ZBBX: variants seen among roughly 807,000 people sequenced by gnomAD.
ZBBX encodes the protein zinc finger B-box domain containing, also known as zinc finger B-box domain-containing protein 1.
ZBBX carries 101 observed loss-of-function variants against 108.5 expected under a neutral mutation model. The observed-to-expected ratio is 0.93, with a 90% CI of 0.79 to 1.10. The LOEUF (loss-of-function observed/expected upper bound fraction) is 1.10, where lower values mean the gene tolerates loss of function less well. ZBBX is among the 50% of genes least tolerant of loss of function. The pLI, the probability that ZBBX is intolerant of heterozygous loss-of-function variation, is 0.00. For missense variants in ZBBX, 1,009 were observed against 941.4 expected, an observed-to-expected ratio of 1.07 and a Z score of -0.94; for synonymous variants, 356 against 323.4, an observed-to-expected ratio of 1.10 and a Z score of -1.08.
At chr3:167,367,542 A>G (rs986044807) in intron 5 of ZBBX, among the ~76,000 whole-genome samples, 2 of 151,522 alleles carry the variant, frequency 1.3e-5, no homozygotes, top group Admixed American at 6.6e-5. Context: ...TAAGTAAAAT[A>G]GTAGGACATG....
intron 6 of ZBBX, among the ~76,000 whole-genome samples, chr3:167,362,972 T>G (rs1440965958): frequency 2.6e-5 from 4 of 151,850 alleles, no homozygotes; most frequent in Non-Finnish European, 5.9e-5. Context: ...TCACCTGACA[T>G]CCTGGTTTGA....
At chr3:167,381,618 T>C (rs1577139430), upstream of ZBBX, among the ~76,000 whole-genome samples, 1 of 152,306 alleles carries the variant, frequency 6.6e-6, no homozygotes, top group Middle Eastern at 3.4e-3. Context: ...CTGGTTTTCT[T>C]GCACAGACTA....
intron 16 of ZBBX, among the ~76,000 whole-genome samples, chr3:167,312,954 A>G (rs910706690): frequency 1.3e-5 from 2 of 152,180 alleles, no homozygotes; most frequent in Admixed American, 6.5e-5. Context: ...CACATACGAT[A>G]TATTTATTAA....
At chr3:167,196,449 T>C in the ZBBX span, among the ~76,000 whole-genome samples, 3 of 152,122 alleles carry the variant, frequency 2.0e-5, no homozygotes, top group East Asian at 1.9e-4. Context: ...TAGACATGAG[T>C]CCATCCCGGC....
At chr3:167,338,596 G>A (rs947234703) in intron 9 of ZBBX, among the ~76,000 whole-genome samples, 1 of 151,808 alleles carries the variant, frequency 6.6e-6, no homozygotes, top group African/African-American at 2.4e-5. Flanking sequence ...CAAGTTTGAG[G>A]GGGAAAGGAA....
At chr3:167,269,617 G>T (rs116675809) in intron 20 of ZBBX, among the ~76,000 whole-genome samples, 2,121 of 152,260 alleles carry the variant, frequency 0.014, 26 homozygotes, top group South Asian at 0.026. Context: ...CCTTCAGAAG[G>T]ACAGATAGGG....
Position 167,403,464 on chromosome 3 carries a change from G to T in ZBBX, c.-446+4262C>A, listed in dbSNP as rs1560218076. Among the ~76,000 whole-genome samples the T allele has an allele frequency of 2.0e-5, 3 of 152,162 alleles. No individual in the cohort carries two copies. In the South Asian group the frequency reaches 6.2e-4, roughly 32 times the overall value. On this transcript the variant is annotated intron_variant, in intron 1 of 21. Transcript: ENST00000455345. ...TTCAATCTGAAGAGAAATGATACCA[G>T]TAGGAAATTCAGATCTGCAAAAATA...
intron 20 of ZBBX, 30 bp from the exon 21 acceptor site, chr3:167,242,673 A>G (rs896693235): frequency 1.3e-6 from 2 of 1,597,230 alleles, no homozygotes; most frequent in Non-Finnish European, 1.7e-6. Flanking sequence ...GCATTGTCAA[A>G]ACATAAATTC....
intron 1 of ZBBX, 21 bp from the exon 2 acceptor site, chr3:167,379,813 T>C (rs553872350): frequency 1.1e-4 from 16 of 152,250 alleles, no homozygotes; most frequent in Admixed American, 3.9e-4. Context: ...GGATGAAATA[T>C]GGTTTCTCAG....
Position 167,400,065 on chromosome 3 carries a change from G to A in ZBBX, c.-446+7661C>T, listed in dbSNP as rs371307941. Among the ~76,000 whole-genome samples the A allele has an allele frequency of 1.2e-4, 19 of 152,126 alleles. 1 individual carries two copies. Among genetic ancestry groups the A allele is most frequent in the South Asian group, 6.2e-4 (3 of 4,828 alleles). On this transcript the variant is annotated intron_variant, in intron 1 of 21. Transcript: ENST00000455345. ...ATTCTTTATGGCCGCATAGTATTCCGTAGTGTATATGTACTACATTTTCTT... is the reference window on the plus strand; with the variant it reads ...ATTCTTTATGGCCGCATAGTATTCCATAGTGTATATGTACTACATTTTCTT...
At chr3:167,217,589 C>T in the ZBBX span, among the ~76,000 whole-genome samples, 1 of 152,140 alleles carries the variant, frequency 6.6e-6, no homozygotes, top group Non-Finnish European at 1.5e-5. Flanking sequence ...AACTACCATT[C>T]AACCCAGCAA....
In ZBBX at chr3:167,282,395, A is replaced by G; in HGVS notation, c.2097T>C (p.Ser699=). The change falls in exon 20 of 22, where the codon AGT becomes AGC. Residue 699 remains serine, a synonymous_variant. Transcript: ENST00000675490. ...CTCTAGATGATGATTGAGCAGCTGC[A>G]CTTCTTGATCGAGGATGAGAGGATG... is the stretch of plus-strand genomic sequence containing the variant. ...CLSSSHPRSR[S]AAAQSSSRAA... 1 of 1,614,144 alleles carries G rather than the reference A, an allele frequency of 6.2e-7. No individual in the cohort carries two copies. The highest frequency in any genetic ancestry group is 1.1e-5 in the South Asian group (1 of 91,080).
intron 1 of ZBBX, chr3:167,392,675 A>T (rs1406442828): frequency 6.6e-6 from 1 of 151,856 alleles, no homozygotes; most frequent in Non-Finnish European, 1.5e-5. Context: ...TGGTCTGTAG[A>T]TGAGATGCCA....
chr3:167,198,630 G>A, the ZBBX span, among the ~76,000 whole-genome samples: 1 of 152,072 alleles, frequency 6.6e-6, no homozygotes, highest in African/African-American at 2.4e-5. Flanking sequence ...CAAATTTCCA[G>A]TCAAATAAAA....
In ZBBX at chr3:167,264,355, A is replaced by G. The variant is rs114968590; in HGVS notation, c.2254+17883T>C. On this transcript the variant is annotated intron_variant, in intron 20 of 21. Coordinates refer to ENST00000675490, the MANE Select transcript of ZBBX (RefSeq NM_001199201.2). ...TGGTATGCTTTAATTTACGCTTTTTATTTTTTTATATCTTTTGTATGTTTT... is the reference window on the plus strand; with the variant it reads ...TGGTATGCTTTAATTTACGCTTTTTGTTTTTTTATATCTTTTGTATGTTTT... Among the ~76,000 whole-genome samples the G allele has an allele frequency of 9.0e-3, 1,360 of 151,764 alleles. 28 individuals carry two copies. The highest frequency in any genetic ancestry group is 0.031 in the African/African-American group (1,283 of 41,386).
intron 16 of ZBBX, among the ~76,000 whole-genome samples, chr3:167,312,341 T>C (rs1220591119): frequency 1.3e-5 from 2 of 152,148 alleles, no homozygotes; most frequent in Non-Finnish European, 2.9e-5. Flanking sequence ...TTCTGTATGA[T>C]ACTATAAGTG....
In ZBBX at chr3:167,343,617, T is replaced by A. The variant is rs182474697; in HGVS notation, c.528+6803A>T. Among the ~76,000 whole-genome samples the A allele has an allele frequency of 2.0e-4, 31 of 151,974 alleles. No homozygotes were observed. In the East Asian group the frequency reaches 5.4e-3, roughly 27 times the overall value. ...GATATACAAATGGCCACCAAGCACA[T>A]GAAAAGATGTTTGACATCATTAGTC... On this transcript the variant is annotated intron_variant, in intron 9 of 21. Transcript: ENST00000675490.
chr3:167,201,852 A>C, the ZBBX span, among the ~76,000 whole-genome samples: 1 of 152,154 alleles, frequency 6.6e-6, no homozygotes. Flanking sequence ...TCTTTAAGAA[A>C]TTTCTTGTTC....
chr3:167,404,852 A>C (rs538183153), intron 1 of ZBBX, among the ~76,000 whole-genome samples: 1 of 152,348 alleles, frequency 6.6e-6, no homozygotes, highest in African/African-American at 2.4e-5. Context: ...AAGGTTTACA[A>C]ATTAGCAGCC....
Sources: allele counts gnomAD v4.1 joint callset (sites outside exome capture counted in the v4.1 genomes callset), GRCh38; gene constraint gnomAD v4.1.1; transcripts MANE v1.5; gene names NCBI Gene and HGNC (gene_info 2026-07-23, HGNC 2026-07-21).